RPRD1A: variants seen among roughly 807,000 people sequenced by gnomAD.
The protein encoded by RPRD1A is regulation of nuclear pre-mRNA domain containing 1A.
RPRD1A carries 9 observed loss-of-function variants against 37.8 expected under a neutral mutation model. That is an observed-to-expected ratio of 0.24 (90% CI 0.14 to 0.42). The LOEUF is 0.42. RPRD1A is among the 10% of genes least tolerant of loss of function. RPRD1A has a pLI of 1.00. For missense variants in RPRD1A, 255 were observed against 371.0 expected, an observed-to-expected ratio of 0.69 and a Z score of 2.57; for synonymous variants, 138 against 139.7, an observed-to-expected ratio of 0.99 and a Z score of 0.08.
At chr18:35,994,394 G>GT (rs2032464890) in intron 6 of RPRD1A, among the ~76,000 whole-genome samples, 2 of 152,288 alleles carry the variant, frequency 1.3e-5, no homozygotes, top group South Asian at 4.1e-4. Flanking sequence ...ACCAACAGTA[G>GT]TAAGGATAGA....
At chr18:36,042,749 G>A (rs1260373703) in intron 1 of RPRD1A, among the ~76,000 whole-genome samples, 1 of 152,084 alleles carries the variant, frequency 6.6e-6, no homozygotes, top group Admixed American at 6.5e-5. Context: ...CAACCTACTA[G>A]AGTGACCAAG....
chr18:36,054,172 CTAAT>C (rs1913599048), intron 1 of RPRD1A, among the ~76,000 whole-genome samples: 1 of 144,100 alleles, frequency 6.9e-6, no homozygotes, highest in South Asian at 2.3e-4. Flanking sequence ...TACACCCACA[CTAAT>C]TGATTTACCG....
At chr18:36,040,940 T>G in intron 1 of RPRD1A, 1 of 894,604 alleles carries the variant, frequency 1.1e-6, no homozygotes, top group Non-Finnish European at 1.6e-6. Flanking sequence ...GTAATTGTCT[T>G]TCAGAATGAA....
chr18:36,053,551 T>C lies in RPRD1A; in HGVS notation c.151+13703A>G, dbSNP rs1434097151. Reference sequence around the variant, plus strand: ...CCAGCGTGTGGATATACCATATTTATTTATCCATTCATCTGCTGATGAACA... The same window carrying C: ...CCAGCGTGTGGATATACCATATTTACTTATCCATTCATCTGCTGATGAACA... On this transcript the variant is annotated intron_variant, in intron 1 of 6. Coordinates refer to ENST00000399022, the MANE Select transcript of RPRD1A (RefSeq NM_018170.5). 1.7e-4 allele frequency among the ~76,000 whole-genome samples: 26 copies of C among 152,236 alleles called. 1 individual carries two copies. Among genetic ancestry groups the C allele is most frequent in the Non-Finnish European group, 1.5e-5 (1 of 68,038 alleles).
Position 36,027,322 on chromosome 18 carries a change from A to G in RPRD1A, c.487-12T>C. Reference sequence around the variant, plus strand: ...ACGAGATCTAGAGTCTAAAAAGTACACAACTTCAGAACCAAAATAAATTGA... The same window carrying G: ...ACGAGATCTAGAGTCTAAAAAGTACGCAACTTCAGAACCAAAATAAATTGA... On this transcript the variant is annotated splice_polypyrimidine_tract_variant and intron_variant, in intron 4 of 6. Coordinates refer to ENST00000399022, the MANE Select transcript of RPRD1A (RefSeq NM_018170.5). The G allele has an allele frequency of 6.2e-7, 1 of 1,612,848 alleles. No homozygotes were observed.
chr18:35,991,714 T>G lies in RPRD1A; in HGVS notation c.*1437A>C, dbSNP rs1225451669. ...CTGTTTTGGAGAGAGGTCAAATTGT[T>G]AAAAGAACTATTTGCAGAACTACTT... On this transcript the variant is annotated 3_prime_UTR_variant, in exon 7 of 7. Coordinates refer to ENST00000399022, the MANE Select transcript of RPRD1A (RefSeq NM_018170.5). 1 of 152,162 alleles carries G rather than the reference T, an allele frequency of 6.6e-6. No individual in the cohort carries two copies. 9.4% of individuals were successfully genotyped at this position (152,162 alleles called of 1,614,324 possible). A position where few individuals can be genotyped will look rare whatever the true frequency, so the allele number is the denominator to read the frequency against.
At chr18:36,022,534 A>G (rs79109998) in intron 6 of RPRD1A, among the ~76,000 whole-genome samples, 2,892 of 152,342 alleles carry the variant, frequency 0.019, 85 homozygotes, top group African/African-American at 0.065. Flanking sequence ...ACCATTCTGA[A>G]TAATTCTAGA....
chr18:36,060,308 CT>C (rs1469321872), intron 1 of RPRD1A, among the ~76,000 whole-genome samples: 1 of 151,960 alleles, frequency 6.6e-6, no homozygotes, highest in Admixed American at 6.6e-5. Flanking sequence ...TGGCGGGCGC[CT>C]ATAGTCCCAG....
intron 6 of RPRD1A, among the ~76,000 whole-genome samples, chr18:35,993,549 G>T (rs1236636837): frequency 6.6e-6 from 1 of 152,178 alleles, no homozygotes; most frequent in Non-Finnish European, 1.5e-5. Context: ...ACATTAATGT[G>T]CTTAACCTCG....
intron 4 of RPRD1A, among the ~76,000 whole-genome samples, chr18:36,030,396 T>C (rs1255902004): frequency 6.6e-6 from 1 of 151,212 alleles, no homozygotes; most frequent in Non-Finnish European, 1.5e-5. Flanking sequence ...GGCAGGAGAA[T>C]CGCTTGAACC....
chr18:36,037,125 T>C (rs544982206), intron 1 of RPRD1A, among the ~76,000 whole-genome samples: 105 of 152,304 alleles, frequency 6.9e-4, no homozygotes, highest in African/African-American at 9.9e-4. Flanking sequence ...ACTTTTTTTT[T>C]CCTTATTTCT....
At position 36,067,293 on chromosome 18, in the gene RPRD1A, G is replaced by C; in HGVS notation, c.112C>G (p.Arg38Gly). Residue 38 changes from arginine to glycine, a missense_variant, in exon 1 of 7, where the codon CGT becomes GGT. Arg to Gly is a moderately radical substitution (Grantham distance 125). Transcript: ENST00000399022. ...LWLIHHRKHS[R>G]PIVTVWEREL... is the part of the protein sequence containing the mutation. ...CGCTCCCACACGGTGACGATGGGACGCGAGTGTTTACGGTGGTGAATGAGC... is the reference window on the plus strand; with the variant it reads ...CGCTCCCACACGGTGACGATGGGACCCGAGTGTTTACGGTGGTGAATGAGC... 6.2e-7 allele frequency: 1 copy of C among 1,603,174 alleles called. No homozygotes were observed. The highest frequency in any genetic ancestry group is 8.5e-7 in the Non-Finnish European group (1 of 1,175,146).
intron 4 of RPRD1A, among the ~76,000 whole-genome samples, chr18:36,028,375 T>C (rs75217476): frequency 0.025 from 3,855 of 152,268 alleles, 182 homozygotes; most frequent in African/African-American, 0.087. Context: ...AAAATAATTT[T>C]GTTGTAAGAT....
At chr18:36,023,210 A>G (rs1273399931) in intron 6 of RPRD1A, among the ~76,000 whole-genome samples, 1 of 152,264 alleles carries the variant, frequency 6.6e-6, no homozygotes, top group Admixed American at 6.5e-5. Context: ...ATGATTCACA[A>G]TTCTAGATGG....
intron 6 of RPRD1A, among the ~76,000 whole-genome samples, chr18:35,998,263 CAGG>C (rs1444311397): frequency 1.3e-5 from 2 of 151,984 alleles, no homozygotes; most frequent in African/African-American, 2.4e-5. Flanking sequence ...GAGGCTGAGG[CAGG>C]AGAACAACTT....
rs561934152 is a variant in RPRD1A, at chr18:36,008,083, A to G, written c.790-14783T>C. 3.9e-5 allele frequency among the ~76,000 whole-genome samples: 6 copies of G among 152,222 alleles called. No individual in the cohort carries two copies. The East Asian group carries it at 1.2e-3, about 29-fold the overall frequency. Reference sequence around the variant, plus strand: ...ATAGAAAGACTATCTCTAGAAAAATACAAATCAAAACAAAAAATAACCTAA... The same window carrying G: ...ATAGAAAGACTATCTCTAGAAAAATGCAAATCAAAACAAAAAATAACCTAA... On this transcript the variant is annotated intron_variant, in intron 6 of 6. Coordinates refer to ENST00000399022, the MANE Select transcript of RPRD1A (RefSeq NM_018170.5).
intron 6 of RPRD1A, among the ~76,000 whole-genome samples, chr18:35,996,656 T>C (rs1909079902): frequency 6.6e-6 from 1 of 152,190 alleles, no homozygotes; most frequent in Non-Finnish European, 1.5e-5. Context: ...GAATAGCAGT[T>C]GTATTATCAA....
At chr18:36,037,379 T>C (rs1198402890) in intron 1 of RPRD1A, among the ~76,000 whole-genome samples, 1 of 152,220 alleles carries the variant, frequency 6.6e-6, no homozygotes, top group Admixed American at 6.5e-5. Flanking sequence ...CTTCACTCTG[T>C]ACTTCTTCCT....
At chr18:36,032,126 G>A (rs567314512) in intron 2 of RPRD1A, among the ~76,000 whole-genome samples, 58 of 152,190 alleles carry the variant, frequency 3.8e-4, no homozygotes, top group African/African-American at 1.3e-3. Context: ...ATAACTGAGC[G>A]CCCTCATACT....
Sources: gnomAD v4.1 joint callset for allele counts (sites outside exome capture counted in the v4.1 genomes callset) on GRCh38, gnomAD v4.1.1 for gene constraint, MANE v1.5 for transcripts, NCBI Gene and HGNC (gene_info 2026-07-23, HGNC 2026-07-21) for gene names.